The following NHS variants were observed in gnomAD, a reference collection of about 807,000 sequenced individuals.
The protein encoded by NHS is NHS actin remodeling regulator, also known as actin remodeling regulator NHS.
Under a neutral mutation model 72.5 loss-of-function variants are expected in NHS, and 5 were observed. That is an observed-to-expected ratio of 0.07 (90% CI 0.04 to 0.14). The LOEUF (loss-of-function observed/expected upper bound fraction) is 0.14. Among genes scored for constraint, NHS ranks in the 10% least tolerant of loss-of-function variants. The pLI, the probability that NHS is intolerant of heterozygous loss-of-function variation, is 1.00. For missense variants in NHS, 1,072 were observed against 1,355.7 expected, an observed-to-expected ratio of 0.79 and a Z score of 3.29; for synonymous variants, 464 against 547.7, an observed-to-expected ratio of 0.85 and a Z score of 2.13.
chrX:17,484,967 A>T (rs1477058816), intron 1 of NHS, among the ~76,000 whole-genome samples: 1 of 111,766 alleles, frequency 8.9e-6, no homozygotes, highest in African/African-American at 3.3e-5. Flanking sequence ...GCAGCATTAG[A>T]TTGGAGTGAT....
At chrX:17,490,980 C>A (rs935381719) in intron 1 of NHS, among the ~76,000 whole-genome samples, 1 of 111,952 alleles carries the variant, frequency 8.9e-6, no homozygotes, top group African/African-American at 3.3e-5. Flanking sequence ...GATTTTGTAT[C>A]CTGAGACTTT....
At chrX:17,503,169 T>C (rs1165981690) in intron 1 of NHS, among the ~76,000 whole-genome samples, 2 of 112,622 alleles carry the variant, frequency 1.8e-5, no homozygotes, top group Non-Finnish European at 3.7e-5. Flanking sequence ...GAAGGGAAAG[T>C]GTTATTTGAA....
intron 1 of NHS, among the ~76,000 whole-genome samples, chrX:17,608,615 A>G (rs936377704): frequency 6.3e-5 from 7 of 111,603 alleles, no homozygotes; most frequent in Non-Finnish European, 1.3e-4. Context: ...AGAAGGAGCC[A>G]TAAATGAAAG....
At chrX:17,685,668 C>A (rs1008171324) in intron 1 of NHS, among the ~76,000 whole-genome samples, 2 of 111,710 alleles carry the variant, frequency 1.8e-5, no homozygotes, top group Non-Finnish European at 3.8e-5. Flanking sequence ...AACATCTTTA[C>A]ACTAATTTTA....
At chrX:17,479,046 C>T (rs1399743411) in intron 1 of NHS, among the ~76,000 whole-genome samples, 1 of 111,164 alleles carries the variant, frequency 9.0e-6, no homozygotes, top group African/African-American at 3.3e-5. Flanking sequence ...TAATGCTATC[C>T]CTCCCCTAGC....
chrX:17,646,139 A>C (rs183276727), intron 1 of NHS, among the ~76,000 whole-genome samples: 3 of 111,189 alleles, frequency 2.7e-5, no homozygotes, highest in African/African-American at 9.8e-5. Context: ...ACAGAGTCTC[A>C]CTATTTTGCC....
intron 1 of NHS, among the ~76,000 whole-genome samples, chrX:17,643,314 G>A (rs1455376490): frequency 9.1e-6 from 1 of 110,211 alleles, no homozygotes; most frequent in African/African-American, 3.3e-5. Flanking sequence ...TTCCCAGTAG[G>A]TTATACTGTC....
intron 1 of NHS, among the ~76,000 whole-genome samples, chrX:17,460,748 T>G (rs2064843781): frequency 1.8e-5 from 2 of 112,533 alleles, no homozygotes; most frequent in Admixed American, 1.9e-4. Context: ...TGTTTGTTCC[T>G]TTTGATTGCC....
intron 1 of NHS, among the ~76,000 whole-genome samples, chrX:17,603,785 C>CACACCAAAG (rs1388717935): frequency 1.8e-5 from 2 of 111,866 alleles, no homozygotes; most frequent in Admixed American, 1.9e-4. Flanking sequence ...ACACCCAAAG[C>CACACCAAAG]TAGAGTGGCA....
intron 1 of NHS, among the ~76,000 whole-genome samples, chrX:17,376,575 G>A (rs1438535260): frequency 8.9e-6 from 1 of 112,572 alleles, no homozygotes; most frequent in African/African-American, 3.2e-5. Context: ...CTCTGAAGTC[G>A]CAGGCAGCGT....
intron 1 of NHS, among the ~76,000 whole-genome samples, chrX:17,547,901 C>T (rs2065302031): frequency 8.9e-6 from 1 of 111,983 alleles, no homozygotes; most frequent in Non-Finnish European, 1.9e-5. Flanking sequence ...GTTGGGTCCT[C>T]TCTCCATGTG....
intron 1 of NHS, among the ~76,000 whole-genome samples, chrX:17,438,747 T>TA (rs2064736536): frequency 8.9e-6 from 1 of 111,831 alleles, no homozygotes; most frequent in African/African-American, 3.2e-5. Context: ...CAAGAAATAG[T>TA]TCTCCAACAC....
intron 3 of NHS, among the ~76,000 whole-genome samples, chrX:17,706,602 G>T (rs938881765): frequency 9.0e-6 from 1 of 111,470 alleles, no homozygotes; most frequent in Non-Finnish European, 1.9e-5. Flanking sequence ...TATGACTTCA[G>T]GTGAAGGTGA....
intron 1 of NHS, among the ~76,000 whole-genome samples, chrX:17,416,423 T>C (rs1215382415): frequency 2.7e-5 from 3 of 111,876 alleles, no homozygotes; most frequent in African/African-American, 9.8e-5. Context: ...GCATGTGCTG[T>C]TGCTCCTGCT....
At chrX:17,621,136 A>C (rs751309018) in intron 1 of NHS, among the ~76,000 whole-genome samples, 6 of 112,656 alleles carry the variant, frequency 5.3e-5, no homozygotes, top group African/African-American at 1.6e-4. Context: ...GTGTGAAAAG[A>C]AGCAGCCAGG....
At chrX:17,725,284 C>A in intron 6 of NHS, 63 bp from the exon 7 acceptor site, 1 of 1,064,580 alleles carries the variant, frequency 9.4e-7, no homozygotes, top group Non-Finnish European at 1.3e-6. Context: ...ACAGACATAG[C>A]TCAGAATGTC....
chrX:17,397,743 A>G (rs2064483627), intron 1 of NHS, among the ~76,000 whole-genome samples: 1 of 112,257 alleles, frequency 8.9e-6, no homozygotes, highest in Non-Finnish European at 1.9e-5. Context: ...TGATTATGCA[A>G]TAACTATCCA....
intron 1 of NHS, among the ~76,000 whole-genome samples, chrX:17,678,276 G>C (rs999386136): frequency 1.9e-5 from 2 of 105,934 alleles, no homozygotes; most frequent in South Asian, 7.9e-4. Context: ...CTGTGGGTGT[G>C]TGTGTGTGTG....
chrX:17,477,949 C>T, intron 1 of NHS, among the ~76,000 whole-genome samples: 1 of 111,386 alleles, frequency 9.0e-6, no homozygotes, highest in Non-Finnish European at 1.9e-5. Context: ...TATCCCTGTT[C>T]TTAAAATATC....
Sources: allele counts gnomAD v4.1 joint callset (sites outside exome capture counted in the v4.1 genomes callset), GRCh38; gene constraint gnomAD v4.1.1; transcripts MANE v1.5; gene names NCBI Gene and HGNC (gene_info 2026-07-23, HGNC 2026-07-21).